Variants in ANO4 observed in about 807,000 individuals in gnomAD.
ANO4 encodes the protein anoctamin 4.
In ANO4, 69 loss-of-function variants were observed where a neutral mutation model predicts 141.9. That is an observed-to-expected ratio of 0.49 (90% confidence interval 0.40 to 0.59). The LOEUF (loss-of-function observed/expected upper bound fraction) is 0.59. ANO4 is among the 20% of genes least tolerant of loss of function. The pLI is 0.00. For missense variants in ANO4, 894 were observed against 1,162.2 expected, an observed-to-expected ratio of 0.77 and a Z score of 3.36; for synonymous variants, 350 against 394.3, an observed-to-expected ratio of 0.89 and a Z score of 1.33.
At chr12:100,989,791 ATG>A (rs2044987862) in intron 8 of ANO4, among the ~76,000 whole-genome samples, 1 of 150,330 alleles carries the variant, frequency 6.7e-6, no homozygotes, top group African/African-American at 2.5e-5. Flanking sequence ...GGATGGATGG[ATG>A]GATGGATAGA....
intron 15 of ANO4, among the ~76,000 whole-genome samples, chr12:101,080,898 T>C (rs183629737): frequency 6.4e-5 from 8 of 124,076 alleles, no homozygotes; most frequent in Admixed American, 5.2e-4. Flanking sequence ...TATATATATA[T>C]ATACATACAC....
At chr12:100,908,810 T>C (rs1268493022) in intron 2 of ANO4, among the ~76,000 whole-genome samples, 2 of 152,324 alleles carry the variant, frequency 1.3e-5, no homozygotes, top group East Asian at 1.9e-4. Context: ...CCCACTCGGA[T>C]TGGTTACTAA....
At position 101,126,828 on chromosome 12, in the gene ANO4, C is replaced by T. The variant is rs2051334962; in HGVS notation, c.2677-51C>T. On this transcript the variant is annotated intron_variant, in intron 26 of 27. Coordinates refer to ENST00000392977, the MANE Select transcript of ANO4 (RefSeq NM_001286615.2). ...CCTTCTTCAGCCAACTCTCTAACCT[C>T]ATTCAGGATGCACAGTAGACCTGAC... 3 of 1,532,860 alleles carry T rather than the reference C, an allele frequency of 2.0e-6. No individual in the cohort carries two copies. In the East Asian group the frequency reaches 6.8e-5, roughly 35 times the overall value. The allele number at this position is 1,532,860 out of a possible 1,614,324, so 95.0% of individuals were successfully genotyped here.
chr12:101,098,893 C>A (rs1197031612), intron 21 of ANO4, among the ~76,000 whole-genome samples: 2 of 152,122 alleles, frequency 1.3e-5, no homozygotes, highest in African/African-American at 4.8e-5. Flanking sequence ...CCCTTCTACT[C>A]CTGGATATCC....
At chr12:100,743,776 T>A (rs891688669) in intron 3 of ANO4, among the ~76,000 whole-genome samples, 1 of 152,174 alleles carries the variant, frequency 6.6e-6, no homozygotes, top group Admixed American at 6.5e-5. Context: ...CAAATTGCAT[T>A]TCGCTTGGGT....
chr12:101,092,755 C>T (rs1293586212), intron 17 of ANO4, among the ~76,000 whole-genome samples: 1 of 152,078 alleles, frequency 6.6e-6, no homozygotes, highest in African/African-American at 2.4e-5. Context: ...TCAGTGTTCA[C>T]ACCCATGTAA....
intron 2 of ANO4, among the ~76,000 whole-genome samples, chr12:100,913,935 G>T (rs936429777): frequency 2.0e-5 from 3 of 152,140 alleles, no homozygotes; most frequent in South Asian, 2.1e-4. Flanking sequence ...AGACAAAAGG[G>T]TAAACAACAT....
At chr12:100,951,075 A>G (rs2042951298) in intron 5 of ANO4, among the ~76,000 whole-genome samples, 1 of 152,214 alleles carries the variant, frequency 6.6e-6, no homozygotes, top group Non-Finnish European at 1.5e-5. Flanking sequence ...CAACAAGCAT[A>G]TTAAAAGCTC....
At chr12:101,035,963 T>C (rs2047175333) in intron 9 of ANO4, among the ~76,000 whole-genome samples, 1 of 152,014 alleles carries the variant, frequency 6.6e-6, no homozygotes, top group Non-Finnish European at 1.5e-5. Context: ...AATTTACCCA[T>C]GTCACAAACC....
chr12:100,975,216 G>A (rs772988109), intron 7 of ANO4, among the ~76,000 whole-genome samples: 11 of 149,204 alleles, frequency 7.4e-5, no homozygotes, highest in South Asian at 2.1e-4. Context: ...TTTTGGTTAC[G>A]TGGATAAGTT....
At chr12:101,073,998 C>G (rs550023998) in intron 14 of ANO4, among the ~76,000 whole-genome samples, 1 of 151,972 alleles carries the variant, frequency 6.6e-6, no homozygotes, top group Non-Finnish European at 1.5e-5. Context: ...TACAATTAAT[C>G]GAGTGTCAGA....
chr12:101,103,196 T>A, intron 22 of ANO4, among the ~76,000 whole-genome samples: 1 of 41,684 alleles, frequency 2.4e-5, no homozygotes, highest in South Asian at 1.8e-3. Flanking sequence ...TATATATATA[T>A]ATATATATAT....
intron 2 of ANO4, among the ~76,000 whole-genome samples, chr12:100,904,996 A>G (rs2136041934): frequency 6.6e-6 from 1 of 152,292 alleles, no homozygotes; most frequent in South Asian, 2.1e-4. Flanking sequence ...GAGAAAGAAG[A>G]GCAAAGGATG....
chr12:100,749,552 G>A (rs990299086), intron 3 of ANO4, among the ~76,000 whole-genome samples: 2 of 152,118 alleles, frequency 1.3e-5, no homozygotes, highest in African/African-American at 4.8e-5. Flanking sequence ...CTTCCTCCAT[G>A]TGTGCTGGTT....
At chr12:100,774,995 G>A (rs1036652566) in intron 3 of ANO4, among the ~76,000 whole-genome samples, 1 of 152,162 alleles carries the variant, frequency 6.6e-6, no homozygotes, top group Non-Finnish European at 1.5e-5. Flanking sequence ...ATGCTCATAA[G>A]GAAGTACCTT....
At chr12:101,037,025 T>G in intron 9 of ANO4, 70 bp from the exon 10 acceptor site, 1 of 1,473,790 alleles carries the variant, frequency 6.8e-7, no homozygotes, top group Non-Finnish European at 9.5e-7. Flanking sequence ...GCACCACACT[T>G]ATATTTGTTT....
intron 1 of ANO4, among the ~76,000 whole-genome samples, chr12:100,731,183 A>G (rs1415904780): frequency 6.6e-6 from 1 of 152,154 alleles, no homozygotes; most frequent in East Asian, 1.9e-4. Context: ...TTCCCCTCAG[A>G]CCTATACTTT....
intron 2 of ANO4, among the ~76,000 whole-genome samples, chr12:100,921,608 A>G (rs952140742): frequency 2.0e-5 from 3 of 152,140 alleles, no homozygotes; most frequent in African/African-American, 7.2e-5. Context: ...CTATAGGTGT[A>G]TGGAGCAGCA....
intron 27 of ANO4, among the ~76,000 whole-genome samples, chr12:101,127,285 C>T (rs2051360499): frequency 6.6e-6 from 1 of 152,240 alleles, no homozygotes; most frequent in African/African-American, 2.4e-5. Flanking sequence ...CAACACTTCT[C>T]TGCCTTCTTG....
Sources: allele counts gnomAD v4.1 joint callset (sites outside exome capture counted in the v4.1 genomes callset), GRCh38; gene constraint gnomAD v4.1.1; transcripts MANE v1.5; gene names NCBI Gene and HGNC (gene_info 2026-07-23, HGNC 2026-07-21).